UTRN: variants seen among roughly 807,000 people sequenced by gnomAD.
The protein encoded by UTRN is dystrophin-related protein 1.
UTRN carries 283 observed loss-of-function variants against 463.9 expected under a neutral mutation model. That is an observed-to-expected ratio of 0.61 (90% CI 0.55 to 0.67). UTRN has a LOEUF of 0.67. Among genes scored for constraint, UTRN ranks in the 30% least tolerant of loss-of-function variants. UTRN has a pLI of 0.00. For synonymous variants in UTRN, 1,442 were observed against 1,431.5 expected (o/e 1.01, Z -0.17); for missense variants, 3,922 against 4,084.3 (o/e 0.96, Z 1.08).
At chr6:144,551,166 C>A (rs3061846) in intron 48 of UTRN, 84 bp downstream of exon 48, 2 of 778,082 alleles carry the variant, frequency 2.6e-6, no homozygotes, top group Non-Finnish European at 3.9e-6. Context: ...CACACACACA[C>A]ACAAACACAT....
intron 58 of UTRN, among the ~76,000 whole-genome samples, chr6:144,766,531 C>T (rs1245793766): frequency 2.6e-5 from 4 of 152,024 alleles, no homozygotes; most frequent in African/African-American, 7.2e-5. Flanking sequence ...CACTGTATAA[C>T]TTACTTACAG....
intron 3 of UTRN, among the ~76,000 whole-genome samples, chr6:144,411,702 A>G (rs1179538553): frequency 6.6e-6 from 1 of 152,186 alleles, no homozygotes; most frequent in Non-Finnish European, 1.5e-5. Flanking sequence ...TTCTCTGCAC[A>G]TTTACAGTAA....
At chr6:144,287,578 A>T (rs992406967) in intron 1 of UTRN, among the ~76,000 whole-genome samples, 1 of 152,242 alleles carries the variant, frequency 6.6e-6, no homozygotes, top group African/African-American at 2.4e-5. Context: ...CATAAAATAT[A>T]GTACAAAATA....
chr6:144,669,733 C>T (rs566365454), intron 51 of UTRN, among the ~76,000 whole-genome samples: 2 of 152,222 alleles, frequency 1.3e-5, no homozygotes, highest in Admixed American at 1.3e-4. Flanking sequence ...ATCCCTCACC[C>T]CACCTCCCAC....
chr6:144,620,127 G>A (rs1417318296), intron 51 of UTRN, among the ~76,000 whole-genome samples: 1 of 152,076 alleles, frequency 6.6e-6, no homozygotes, highest in Admixed American at 6.6e-5. Flanking sequence ...ATTGAGCCTG[G>A]CTTATTTGGA....
At chr6:144,546,364 C>T (rs1309257141) in intron 46 of UTRN, among the ~76,000 whole-genome samples, 1 of 152,108 alleles carries the variant, frequency 6.6e-6, no homozygotes, top group Non-Finnish European at 1.5e-5. Context: ...TTATTGAGGA[C>T]CCTCAAATAG....
At position 144,532,230 on chromosome 6, in the gene UTRN, T is replaced by C. The variant is rs531939635; in HGVS notation, c.6058-855T>C. ...TTAAATTTGACTTGAAAATATTCATTCAATCTGTTACTTAAACATTTGTAG... is the reference window on the plus strand; with the variant it reads ...TTAAATTTGACTTGAAAATATTCATCCAATCTGTTACTTAAACATTTGTAG... On this transcript the variant is annotated intron_variant, in intron 42 of 74. Transcript: ENST00000367545. Among the ~76,000 whole-genome samples the C allele has an allele frequency of 9.6e-4, 146 of 152,324 alleles. 1 individual carries two copies. The highest frequency in any genetic ancestry group is 3.4e-3 in the African/African-American group (142 of 41,572).
At chr6:144,729,756 C>T (rs375099171) in intron 53 of UTRN, among the ~76,000 whole-genome samples, 3 of 152,302 alleles carry the variant, frequency 2.0e-5, no homozygotes, top group East Asian at 3.9e-4. Context: ...TGAAAAACCT[C>T]ACAAAAGAAA....
chr6:144,386,139 C>G (rs1781397969), intron 2 of UTRN, among the ~76,000 whole-genome samples: 1 of 152,134 alleles, frequency 6.6e-6, no homozygotes, highest in African/African-American at 2.4e-5. Flanking sequence ...CTCATCCAAC[C>G]CTACCTGAAT....
chr6:144,649,831 T>C lies in UTRN; in HGVS notation c.7480-28575T>C, dbSNP rs1229493386. Reference sequence around the variant, plus strand: ...GAAATAGAAGGTGAGCTAAAGGAAGTAACTTTTTCATTAGTTTTCAAATTC... The same window carrying C: ...GAAATAGAAGGTGAGCTAAAGGAAGCAACTTTTTCATTAGTTTTCAAATTC... On this transcript the variant is annotated intron_variant, in intron 51 of 74. Coordinates refer to ENST00000367545, the MANE Select transcript of UTRN (RefSeq NM_007124.3). 3.9e-5 allele frequency among the ~76,000 whole-genome samples: 6 copies of C among 152,258 alleles called. No homozygotes were observed. In the East Asian group the frequency reaches 9.6e-4, roughly 24 times the overall value.
At chr6:144,461,555 C>G (rs953470321) in intron 22 of UTRN, among the ~76,000 whole-genome samples, 2 of 152,128 alleles carry the variant, frequency 1.3e-5, no homozygotes, top group Non-Finnish European at 2.9e-5. Flanking sequence ...AGCATATTTT[C>G]TCCTTCTGCT....
chr6:144,842,895 A>G (rs1236295607), intron 73 of UTRN, among the ~76,000 whole-genome samples: 1 of 151,824 alleles, frequency 6.6e-6, no homozygotes, highest in Non-Finnish European at 1.5e-5. Context: ...ACAAAAGCTT[A>G]AGAGGATCAC....
chr6:144,510,641 T>A lies in UTRN; in HGVS notation c.4765-303T>A, dbSNP rs9496991. 6.2e-3 allele frequency among the ~76,000 whole-genome samples: 938 copies of A among 152,294 alleles called. 7 individuals are homozygous for A. The highest frequency in any genetic ancestry group is 0.022 in the African/African-American group (906 of 41,558). On this transcript the variant is annotated intron_variant, in intron 34 of 74. Coordinates refer to ENST00000367545, the MANE Select transcript of UTRN (RefSeq NM_007124.3). ...ACATTTAGAGTGATGATGAAGGTAA[T>A]TGGCATTCATATGTAATAAATGGAT...
At chr6:144,778,772 G>A (rs1385517630) in intron 60 of UTRN, among the ~76,000 whole-genome samples, 1 of 152,036 alleles carries the variant, frequency 6.6e-6, no homozygotes, top group Non-Finnish European at 1.5e-5. Flanking sequence ...CCTGTGCCTT[G>A]TATGTGGGAT....
At chr6:144,428,558 A>G (rs7356937) in intron 7 of UTRN, among the ~76,000 whole-genome samples, 17,216 of 151,730 alleles carry the variant, frequency 0.11, 2,352 homozygotes, top group African/African-American at 0.33. Flanking sequence ...TAGCAGTCCT[A>G]TTTAGCTAAT....
chr6:144,513,286 C>T lies in UTRN; in HGVS notation c.4945-623C>T, dbSNP rs9484884. Among the ~76,000 whole-genome samples the T allele has an allele frequency of 6.6e-3, 1,008 of 152,262 alleles. 13 individuals are homozygous for T. Among genetic ancestry groups the T allele is most frequent in the African/African-American group, 0.023 (962 of 41,544 alleles). On this transcript the variant is annotated intron_variant, in intron 35 of 74. Transcript: ENST00000367545. ...TAAAAATATGGGCCAGGTGTGGTGG[C>T]GCACACCTGTAATCCCAGCACTTTG...
rs74564537 is a variant in UTRN at position 144,768,492 on chromosome 6, T to C, written c.8496-3415T>C. ...AAATAGGCAAAAATCTTAACTCTTA[T>C]ACAAATACAAAAAGAGCATGTTTCA... On this transcript the variant is annotated intron_variant, in intron 58 of 74. Coordinates refer to ENST00000367545, the MANE Select transcript of UTRN (RefSeq NM_007124.3). Among the ~76,000 whole-genome samples the C allele has an allele frequency of 6.1e-3, 936 of 152,198 alleles. 6 individuals are homozygous for C. The highest frequency in any genetic ancestry group is 0.02 in the African/African-American group (849 of 41,542).
chr6:144,558,458 C>A (rs1032075585), intron 50 of UTRN, among the ~76,000 whole-genome samples: 1 of 152,036 alleles, frequency 6.6e-6, no homozygotes, highest in Admixed American at 6.6e-5. Context: ...GATATCATAA[C>A]TCAGGCAGGG....
intron 68 of UTRN, 145 bp downstream of exon 68, chr6:144,827,821 C>T: frequency 2.0e-6 from 2 of 1,005,000 alleles, no homozygotes; most frequent in South Asian, 1.7e-5. Context: ...AATTTGGGCT[C>T]TCATATTTTC....
Sources: gnomAD v4.1 joint callset for allele counts (sites outside exome capture counted in the v4.1 genomes callset) on GRCh38, gnomAD v4.1.1 for gene constraint, MANE v1.5 for transcripts, NCBI Gene and HGNC (gene_info 2026-07-23, HGNC 2026-07-21) for gene names.